The following DENND6A variants were observed in gnomAD, a reference collection of about 807,000 sequenced individuals.
DENND6A encodes the protein DENN domain containing 6A.
A neutral mutation model predicts 95.5 loss-of-function variants in DENND6A; 43 were observed. The observed-to-expected ratio is 0.45, with a 90% confidence interval of 0.35 to 0.58. The LOEUF (loss-of-function observed/expected upper bound fraction) is 0.58. DENND6A is among the 20% of genes least tolerant of loss of function. The pLI, the probability that DENND6A is intolerant of heterozygous loss-of-function variation, is 0.00. For synonymous variants in DENND6A, 257 were observed against 260.4 expected (o/e 0.99, Z 0.13); for missense variants, 574 against 736.0 (o/e 0.78, Z 2.55).
chr3:57,660,693 A>C, intron 7 of DENND6A, 67 bp downstream of exon 7: 1 of 1,421,468 alleles, frequency 7.0e-7, no homozygotes, highest in Non-Finnish European at 9.5e-7. Context: ...GGGTGACAGC[A>C]CAAGACCCTG....
chr3:57,642,313 CAAAAAAAAAAAA>C (rs10681174), intron 11 of DENND6A, among the ~76,000 whole-genome samples: 2 of 67,564 alleles, frequency 3.0e-5, no homozygotes, highest in South Asian at 1.1e-3. Context: ...GACTCTGTCT[CAAAAAAAAAAAA>C]AAAAAAAAAG....
chr3:57,659,084 T>C (rs1163262626), intron 8 of DENND6A, 34 bp downstream of exon 8: 2 of 1,606,136 alleles, frequency 1.2e-6, no homozygotes, highest in South Asian at 1.1e-5. Flanking sequence ...AGACTATATA[T>C]GTGCTGGATC....
At chr3:57,692,726 T>C in intron 1 of DENND6A, 56 bp downstream of exon 1, 1 of 1,374,336 alleles carries the variant, frequency 7.3e-7, no homozygotes, top group South Asian at 1.6e-5. Flanking sequence ...CTGGCTTTGC[T>C]GCAGCCGCCC....
chr3:57,640,676 G>A (rs192126083), intron 12 of DENND6A, among the ~76,000 whole-genome samples: 185 of 152,180 alleles, frequency 1.2e-3, no homozygotes, highest in African/African-American at 4.3e-3. Context: ...TTGTCATGTC[G>A]GAGAGATGTC....
At chr3:57,645,861 T>C (rs1171014215) in intron 10 of DENND6A, 105 bp from the exon 11 acceptor site, 3 of 717,862 alleles carry the variant, frequency 4.2e-6, no homozygotes, top group East Asian at 5.7e-5. Context: ...AAGGGATACT[T>C]TGTTTATTTT....
At chr3:57,677,799 T>A (rs749264499) in intron 1 of DENND6A, among the ~76,000 whole-genome samples, 1 of 152,176 alleles carries the variant, frequency 6.6e-6, no homozygotes, top group African/African-American at 2.4e-5. Flanking sequence ...CACTACTGTA[T>A]CTTAATTCAT....
At chr3:57,644,306 AC>A (rs940306840) in intron 11 of DENND6A, among the ~76,000 whole-genome samples, 6 of 151,956 alleles carry the variant, frequency 3.9e-5, no homozygotes, top group African/African-American at 1.4e-4. Flanking sequence ...TTAGAGATTT[AC>A]AAAAAAATTT....
Position 57,692,767 on chromosome 3 carries a change from G to A in DENND6A, c.237+15C>T. 6.8e-7 allele frequency: 1 copy of A among 1,464,044 alleles called. No individual in the cohort carries two copies. Among genetic ancestry groups the A allele is most frequent in the South Asian group, 1.4e-5 (1 of 72,684 alleles). 90.7% of individuals were successfully genotyped at this position (1,464,044 alleles called of 1,614,324 possible). ...CAGGGGAGGAGCGCCGAGAAAGGGC[G>A]GGGCCGGGCCTCACCTCCACGGCCT... On this transcript the variant is annotated intron_variant, in intron 1 of 19. Coordinates refer to ENST00000311128, the MANE Select transcript of DENND6A (RefSeq NM_152678.3).
chr3:57,654,589 C>G, intron 9 of DENND6A: 1 of 967,368 alleles, frequency 1.0e-6, no homozygotes, highest in South Asian at 4.8e-5. Context: ...ATGTCCCTGA[C>G]TCTAAGGCAA....
intron 9 of DENND6A, among the ~76,000 whole-genome samples, chr3:57,652,015 T>C (rs907992811): frequency 5.3e-5 from 8 of 151,986 alleles, no homozygotes; most frequent in Non-Finnish European, 8.8e-5. Flanking sequence ...CTGGGTAACA[T>C]AGCAAGACAC....
At chr3:57,659,352 G>GT (rs1481731434) in intron 7 of DENND6A, among the ~76,000 whole-genome samples, 172 bp from the exon 8 acceptor site, 1 of 152,134 alleles carries the variant, frequency 6.6e-6, no homozygotes, top group African/African-American at 2.4e-5. Context: ...ACAGCAGAAA[G>GT]TAAGTAAATC....
chr3:57,658,804 G>A (rs1406855413), intron 8 of DENND6A, among the ~76,000 whole-genome samples: 1 of 152,102 alleles, frequency 6.6e-6, no homozygotes, highest in East Asian at 1.9e-4. Context: ...TCTAAAATCA[G>A]AAGTCTGCTG....
intron 1 of DENND6A, among the ~76,000 whole-genome samples, chr3:57,691,111 C>T (rs549480852): frequency 6.6e-6 from 1 of 152,176 alleles, no homozygotes; most frequent in African/African-American, 2.4e-5. Context: ...AAAGAATGTC[C>T]CAAATAATGA....
chr3:57,689,699 G>A lies in DENND6A; in HGVS notation c.237+3083C>T, dbSNP rs539794712. 3.3e-5 allele frequency among the ~76,000 whole-genome samples: 5 copies of A among 152,298 alleles called. No individual in the cohort carries two copies. The South Asian group carries it at 1.0e-3, about 32-fold the overall frequency. On this transcript the variant is annotated intron_variant, in intron 1 of 19. Transcript: ENST00000311128. ...AACCAGGCCAGATTATCTTCCTCTGGCTTTGGAAGTGAGTTAAAGATTCAC... is the reference window on the plus strand; with the variant it reads ...AACCAGGCCAGATTATCTTCCTCTGACTTTGGAAGTGAGTTAAAGATTCAC...
intron 3 of DENND6A, among the ~76,000 whole-genome samples, chr3:57,669,424 G>GA (rs1164767136): frequency 1.3e-5 from 2 of 151,904 alleles, no homozygotes; most frequent in Admixed American, 1.3e-4. Context: ...ATATCTATGA[G>GA]AAAAAAATCA....
intron 5 of DENND6A, among the ~76,000 whole-genome samples, chr3:57,663,294 G>A (rs551121658): frequency 1.7e-4 from 25 of 150,330 alleles, no homozygotes; most frequent in Non-Finnish European, 3.0e-4. Context: ...GTGAAACTCC[G>A]TCTCTACTAA....
chr3:57,638,904 A>G (rs1002796390), intron 12 of DENND6A, among the ~76,000 whole-genome samples: 1 of 152,044 alleles, frequency 6.6e-6, no homozygotes, highest in African/African-American at 2.4e-5. Flanking sequence ...GGAGTTTAGG[A>G]CCAGCAACAT....
At chr3:57,691,538 A>G (rs997206459) in intron 1 of DENND6A, among the ~76,000 whole-genome samples, 1 of 152,170 alleles carries the variant, frequency 6.6e-6, no homozygotes, top group Admixed American at 6.6e-5. Context: ...GAACTGTGTT[A>G]TAATAAAACA....
chr3:57,663,775 C>G (rs2071477197), intron 4 of DENND6A, 59 bp from the exon 5 acceptor site: 1 of 979,462 alleles, frequency 1.0e-6, no homozygotes, highest in Non-Finnish European at 1.5e-6. Context: ...GTATCTATAT[C>G]TATATCCATA....
Sources: allele counts gnomAD v4.1 joint callset (sites outside exome capture counted in the v4.1 genomes callset), GRCh38; gene constraint gnomAD v4.1.1; transcripts MANE v1.5; gene names NCBI Gene and HGNC (gene_info 2026-07-23, HGNC 2026-07-21).